The following CSMD1 variants were observed in gnomAD, a reference collection of about 807,000 sequenced individuals.
CSMD1 encodes CUB and Sushi multiple domains 1.
In CSMD1, 213 loss-of-function variants were observed where a neutral mutation model predicts 417.5. That is an observed-to-expected ratio of 0.51 (90% CI 0.46 to 0.57). The LOEUF is 0.57. Ranked by LOEUF, CSMD1 falls within the 20% of genes least tolerant of loss-of-function variation. The probability of loss-of-function intolerance (pLI) is 0.00; values close to 1 mark genes in which losing one functional copy is unlikely to be tolerated. For missense variants in CSMD1, 6,923 were observed against 4,529.7 expected, an observed-to-expected ratio of 1.53 and a Z score of -15.17; for synonymous variants, 2,862 against 1,736.8, an observed-to-expected ratio of 1.65 and a Z score of -16.11.
intron 2 of CSMD1, among the ~76,000 whole-genome samples, chr8:4,563,374 C>T (rs1328956493): frequency 6.6e-6 from 1 of 152,112 alleles, no homozygotes; most frequent in African/African-American, 2.4e-5. Context: ...GCACTCCAGC[C>T]TGGGTAACAG....
At chr8:4,224,993 T>A (rs1310574751) in intron 3 of CSMD1, among the ~76,000 whole-genome samples, 1 of 152,058 alleles carries the variant, frequency 6.6e-6, no homozygotes, top group Non-Finnish European at 1.5e-5. Flanking sequence ...GCACCTGAAA[T>A]CCCAGCTATT....
intron 10 of CSMD1, among the ~76,000 whole-genome samples, chr8:3,541,308 T>C (rs187774789): frequency 3.2e-4 from 48 of 152,250 alleles, no homozygotes; most frequent in Non-Finnish European, 6.6e-4. Flanking sequence ...TTCTCACTTA[T>C]AAGTGGGAGC....
rs903779044 is a variant in CSMD1, at chr8:3,275,574, C to T, written c.4153+8570G>A. On this transcript the variant is annotated intron_variant, in intron 26 of 69. Coordinates refer to ENST00000635120, the MANE Select transcript of CSMD1 (RefSeq NM_033225.6). The stretch of plus-strand genomic sequence containing the variant: ...GTCTCTTTCAGGTACGACAATCAGA[C>T]GTAGATTCAGTCTTTTCACATAGTC... Among the ~76,000 whole-genome samples, 146 of 152,312 alleles carry T rather than the reference C, an allele frequency of 9.6e-4. 1 individual carries two copies. The highest frequency in any genetic ancestry group is 3.4e-3 in the Middle Eastern group (1 of 294).
intron 57 of CSMD1, among the ~76,000 whole-genome samples, chr8:2,971,377 C>T (rs558676326): frequency 2.3e-4 from 35 of 152,264 alleles, no homozygotes; most frequent in South Asian, 1.0e-3. Context: ...ATCACTCAGA[C>T]GGTGTCTTTT....
At chr8:4,050,505 G>A (rs1027554231) in intron 3 of CSMD1, among the ~76,000 whole-genome samples, 1 of 151,996 alleles carries the variant, frequency 6.6e-6, no homozygotes, top group Non-Finnish European at 1.5e-5. Context: ...GTAAATGGGG[G>A]TATGTATCAT....
rs35822336 is a variant in CSMD1 at position 4,189,380 on chromosome 8, T to A, written c.416-157281A>T. Among the ~76,000 whole-genome samples, 653 of 151,818 alleles carry A rather than the reference T, an allele frequency of 4.3e-3. 7 individuals carry two copies. Among genetic ancestry groups the A allele is most frequent in the African/African-American group, 0.014 (574 of 41,432 alleles). ...ATAAATAATATTAATAAGCCATGAA[T>A]ATTCTAACTCTACCTAAAAGTTTGC... On this transcript the variant is annotated intron_variant, in intron 3 of 69. Coordinates refer to ENST00000635120, the MANE Select transcript of CSMD1 (RefSeq NM_033225.6).
At chr8:4,218,624 G>C (rs892137290) in intron 3 of CSMD1, among the ~76,000 whole-genome samples, 1 of 152,072 alleles carries the variant, frequency 6.6e-6, no homozygotes, top group Admixed American at 6.5e-5. Context: ...ATCATATACT[G>C]TTTCATACCG....
chr8:3,731,505 T>C (rs372138244), intron 6 of CSMD1, among the ~76,000 whole-genome samples: 1 of 152,174 alleles, frequency 6.6e-6, no homozygotes, highest in Non-Finnish European at 1.5e-5. Flanking sequence ...GGACAATTCA[T>C]GGATAAGTGC....
At chr8:3,464,294 G>A (rs1816680582) in intron 12 of CSMD1, among the ~76,000 whole-genome samples, 1 of 152,008 alleles carries the variant, frequency 6.6e-6, no homozygotes, top group Non-Finnish European at 1.5e-5. Flanking sequence ...CACTACAATA[G>A]CAAACATGTA....
At chr8:4,204,822 CTTTTA>C (rs1563269844) in intron 3 of CSMD1, among the ~76,000 whole-genome samples, 2 of 139,732 alleles carry the variant, frequency 1.4e-5, no homozygotes, top group African/African-American at 5.8e-5. Context: ...ACACAGCTAA[CTTTTA>C]TTTAATTTTT....
At chr8:3,847,617 C>A (rs1455208928) in intron 5 of CSMD1, among the ~76,000 whole-genome samples, 1 of 152,064 alleles carries the variant, frequency 6.6e-6, no homozygotes, top group African/African-American at 2.4e-5. Flanking sequence ...GATTCCAGAC[C>A]GATGGAGCCC....
intron 5 of CSMD1, among the ~76,000 whole-genome samples, chr8:3,988,126 T>C (rs552812010): frequency 6.6e-6 from 1 of 152,292 alleles, no homozygotes; most frequent in South Asian, 2.1e-4. Flanking sequence ...TCACCTCTTA[T>C]TCATAGTCAT....
At chr8:4,259,577 G>A (rs1183362400) in intron 3 of CSMD1, among the ~76,000 whole-genome samples, 1 of 151,332 alleles carries the variant, frequency 6.6e-6, no homozygotes. Flanking sequence ...CTCTGTTACC[G>A]ATCAACGATT....
chr8:4,528,110 T>C lies in CSMD1; in HGVS notation c.303-108045A>G, dbSNP rs145584158. Reference sequence around the variant, plus strand: ...TCAGATGGGTTTGCATTTTGTGTTCTGGTTCTGACTTTCATCCTTTTAAGG... The same window carrying C: ...TCAGATGGGTTTGCATTTTGTGTTCCGGTTCTGACTTTCATCCTTTTAAGG... On this transcript the variant is annotated intron_variant, in intron 2 of 69. Coordinates refer to ENST00000635120, the MANE Select transcript of CSMD1 (RefSeq NM_033225.6). Among the ~76,000 whole-genome samples, 40 of 152,320 alleles carry C rather than the reference T, an allele frequency of 2.6e-4. No homozygotes were observed. The East Asian group carries it at 5.4e-3, about 21-fold the overall frequency.
chr8:3,404,990 C>T (rs1274575790), intron 15 of CSMD1, among the ~76,000 whole-genome samples: 1 of 151,812 alleles, frequency 6.6e-6, no homozygotes, highest in African/African-American at 2.4e-5. Flanking sequence ...GATATTGATC[C>T]AGGAATATAA....
In CSMD1 at chr8:4,220,879, T is replaced by A. The variant is rs571096283; in HGVS notation, c.416-188780A>T. 3.9e-5 allele frequency among the ~76,000 whole-genome samples: 6 copies of A among 152,206 alleles called. No homozygotes were observed. The South Asian group carries it at 6.2e-4, about 16-fold the overall frequency. On this transcript the variant is annotated intron_variant, in intron 3 of 69. Coordinates refer to ENST00000635120, the MANE Select transcript of CSMD1 (RefSeq NM_033225.6). ...AGCTTGGGGTAACAAGTAAGAAGATTTGGGACTGGATGTGGGAGGAATAAG... is the reference window on the plus strand; with the variant it reads ...AGCTTGGGGTAACAAGTAAGAAGATATGGGACTGGATGTGGGAGGAATAAG...
chr8:4,426,668 TTTA>T (rs1231960484), intron 2 of CSMD1, among the ~76,000 whole-genome samples: 4 of 147,130 alleles, frequency 2.7e-5, no homozygotes, highest in East Asian at 2.0e-4. Flanking sequence ...ATAGTAATAT[TTTA>T]TTATATAATA....
intron 3 of CSMD1, among the ~76,000 whole-genome samples, chr8:4,391,786 G>C (rs1025333168): frequency 6.6e-6 from 1 of 152,116 alleles, no homozygotes; most frequent in Non-Finnish European, 1.5e-5. Flanking sequence ...CCCTGAGTTT[G>C]AGCGGCTGCT....
Position 4,787,421 on chromosome 8 carries a change from G to T in CSMD1, c.86-149863C>A, listed in dbSNP as rs757377787. 4.0e-5 allele frequency: 30 copies of T among 752,614 alleles called. No homozygotes were observed. In the South Asian group the frequency reaches 4.1e-4, roughly 10 times the overall value. 46.6% of individuals were successfully genotyped at this position (752,614 alleles called of 1,614,324 possible). A position where few individuals can be genotyped will look rare whatever the true frequency, so the allele number is the denominator to read the frequency against. The stretch of plus-strand genomic sequence containing the variant: ...ACGAAAAGTCCTCCTGCAGTCCAAG[G>T]ACAAGATTACAGCAGGAAATGTAGC... On this transcript the variant is annotated intron_variant, in intron 1 of 69. Coordinates refer to ENST00000635120, the MANE Select transcript of CSMD1 (RefSeq NM_033225.6).
Sources: gnomAD v4.1 joint callset for allele counts (sites outside exome capture counted in the v4.1 genomes callset) on GRCh38, gnomAD v4.1.1 for gene constraint, MANE v1.5 for transcripts, NCBI Gene and HGNC (gene_info 2026-07-23, HGNC 2026-07-21) for gene names.